SPHKAP: variants seen among roughly 807,000 people sequenced by gnomAD.
SPHKAP encodes the protein SPHK1 interactor, AKAP domain containing, also known as A-kinase anchor protein SPHKAP.
SPHKAP carries 67 observed loss-of-function variants against 137.5 expected under a neutral mutation model. The ratio of observed to expected loss-of-function variants is 0.49; its 90% CI spans 0.40 to 0.60. The LOEUF is 0.60. Among genes scored for constraint, SPHKAP ranks in the 20% least tolerant of loss-of-function variants. The pLI is 0.00. For missense variants in SPHKAP, 2,097 were observed against 2,069.3 expected, an observed-to-expected ratio of 1.01 and a Z score of -0.26; for synonymous variants, 813 against 785.3, an observed-to-expected ratio of 1.04 and a Z score of -0.59.
chr2:228,169,211 T>C (rs1435737996), intron 1 of SPHKAP, among the ~76,000 whole-genome samples: 2 of 152,158 alleles, frequency 1.3e-5, no homozygotes, highest in African/African-American at 4.8e-5. Context: ...TTAGCAAAGA[T>C]TATTGATGAA....
chr2:228,062,550 A>AT (rs1012612906), intron 3 of SPHKAP, among the ~76,000 whole-genome samples: 12 of 151,910 alleles, frequency 7.9e-5, no homozygotes, highest in East Asian at 3.9e-4. Context: ...TTGAACAGTC[A>AT]TTTTTTTTAA....
intron 1 of SPHKAP, among the ~76,000 whole-genome samples, chr2:228,156,795 G>T (rs1574904091): frequency 1.3e-5 from 2 of 152,120 alleles, no homozygotes; most frequent in East Asian, 3.9e-4. Flanking sequence ...TTTATAAAGG[G>T]GAGGTCCCTT....
chr2:227,991,652 AAGAG>A (rs1274891513), intron 9 of SPHKAP: 1 of 985,450 alleles, frequency 1.0e-6, no homozygotes, highest in Non-Finnish European at 1.2e-6. Flanking sequence ...TAAACAATGA[AAGAG>A]AGATTTTGTG....
chr2:228,036,171 C>T (rs1322238737), intron 3 of SPHKAP, among the ~76,000 whole-genome samples: 2 of 149,752 alleles, frequency 1.3e-5, no homozygotes, highest in Admixed American at 6.7e-5. Context: ...ACAATGAACT[C>T]AAACAAATTT....
chr2:228,000,075 C>T (rs1237371361), intron 7 of SPHKAP, among the ~76,000 whole-genome samples: 1 of 152,212 alleles, frequency 6.6e-6, no homozygotes, highest in Admixed American at 6.5e-5. Context: ...CCTGTTCAAC[C>T]CTCCTGCCCT....
intron 3 of SPHKAP, among the ~76,000 whole-genome samples, chr2:228,101,484 G>C (rs1249000183): frequency 6.6e-6 from 1 of 152,082 alleles, no homozygotes; most frequent in Non-Finnish European, 1.5e-5. Flanking sequence ...TTCCTATACT[G>C]CTGGGCATGT....
At chr2:228,002,082 C>T (rs565410539) in intron 7 of SPHKAP, among the ~76,000 whole-genome samples, 1 of 152,092 alleles carries the variant, frequency 6.6e-6, no homozygotes, top group Admixed American at 6.6e-5. Flanking sequence ...TGGGTATATA[C>T]CCAGTAATGG....
At chr2:228,032,255 T>A (rs1226293196) in intron 3 of SPHKAP, among the ~76,000 whole-genome samples, 1 of 152,074 alleles carries the variant, frequency 6.6e-6, no homozygotes, top group Non-Finnish European at 1.5e-5. Flanking sequence ...AAGGAGCTGA[T>A]GCGATCAACT....
intron 2 of SPHKAP, among the ~76,000 whole-genome samples, chr2:228,130,356 G>A (rs1699210789): frequency 6.6e-6 from 1 of 152,132 alleles, no homozygotes; most frequent in African/African-American, 2.4e-5. Context: ...TATTTTGAGT[G>A]CATGAAGTGT....
intron 2 of SPHKAP, among the ~76,000 whole-genome samples, chr2:228,110,916 T>C (rs1234134578): frequency 6.6e-6 from 1 of 151,918 alleles, no homozygotes; most frequent in Non-Finnish European, 1.5e-5. Flanking sequence ...AACAAATTCT[T>C]ATTTATTTAA....
intron 4 of SPHKAP, 102 bp downstream of exon 4, chr2:228,027,382 C>T (rs1345997036): frequency 1.7e-6 from 2 of 1,204,250 alleles, no homozygotes; most frequent in African/African-American, 3.0e-5. Flanking sequence ...ATGAAACTAT[C>T]TAACTAAAGA....
chr2:228,168,150 C>T (rs1029393442), intron 1 of SPHKAP, among the ~76,000 whole-genome samples: 9 of 152,164 alleles, frequency 5.9e-5, no homozygotes, highest in African/African-American at 1.7e-4. Flanking sequence ...TTTTTATATA[C>T]AGTTTATCAT....
intron 1 of SPHKAP, among the ~76,000 whole-genome samples, chr2:228,178,922 C>T (rs1700819327): frequency 6.7e-6 from 1 of 150,314 alleles, no homozygotes. Context: ...TCAAAGAACC[C>T]AAAACATTTC....
At chr2:228,153,511 C>G (rs1559203221) in intron 1 of SPHKAP, among the ~76,000 whole-genome samples, 1 of 152,070 alleles carries the variant, frequency 6.6e-6, no homozygotes, top group Non-Finnish European at 1.5e-5. Context: ...CGATTATTTT[C>G]TTTCAGCATG....
At chr2:228,093,772 C>T (rs1373811413) in intron 3 of SPHKAP, among the ~76,000 whole-genome samples, 6 of 135,582 alleles carry the variant, frequency 4.4e-5, no homozygotes, top group African/African-American at 1.6e-4. Context: ...GCAGGAGAAT[C>T]GTTTGAACCC....
chr2:228,150,173 C>T (rs563984646), intron 1 of SPHKAP, among the ~76,000 whole-genome samples: 83 of 152,282 alleles, frequency 5.5e-4, no homozygotes, highest in South Asian at 1.2e-3. Context: ...GAGATAAACT[C>T]AGTTTTATAA....
intron 3 of SPHKAP, among the ~76,000 whole-genome samples, chr2:228,060,667 C>A (rs1400930343): frequency 6.6e-6 from 1 of 152,082 alleles, no homozygotes. Context: ...TATTTGTAGT[C>A]AAATCAATGA....
intron 9 of SPHKAP, 26 bp from the exon 10 acceptor site, chr2:227,991,352 G>T (rs1372493594): frequency 7.4e-6 from 12 of 1,613,930 alleles, no homozygotes; most frequent in Middle Eastern, 1.7e-4. Flanking sequence ...ACAGTATATG[G>T]TTGGTAATGT....
chr2:228,146,920 A>C (rs1699793548), intron 1 of SPHKAP, among the ~76,000 whole-genome samples: 1 of 152,236 alleles, frequency 6.6e-6, no homozygotes, highest in African/African-American at 2.4e-5. Flanking sequence ...ATATCTATAA[A>C]AATAAAATTC....
Sources: gnomAD v4.1 joint callset for allele counts (sites outside exome capture counted in the v4.1 genomes callset) on GRCh38, gnomAD v4.1.1 for gene constraint, MANE v1.5 for transcripts, NCBI Gene and HGNC (gene_info 2026-07-23, HGNC 2026-07-21) for gene names.